Variants in C12orf56 observed in about 807,000 individuals in gnomAD.
C12orf56 encodes chromosome 12 open reading frame 56, also known as uncharacterized protein C12orf56.
Under a neutral mutation model 69.9 loss-of-function variants are expected in C12orf56, and 71 were observed. The ratio of observed to expected loss-of-function variants is 1.02; its 90% CI spans 0.84 to 1.24. C12orf56 has a LOEUF of 1.24. Among genes scored for constraint, C12orf56 ranks in the 50% most tolerant of loss-of-function variants. The pLI is 0.00. For missense variants in C12orf56, 732 were observed against 738.5 expected (o/e 0.99, Z 0.10); for synonymous variants, 276 against 274.1 (o/e 1.01, Z -0.07).
intron 3 of C12orf56, among the ~76,000 whole-genome samples, chr12:64,324,525 A>C (rs1344850379): frequency 6.6e-6 from 1 of 152,206 alleles, no homozygotes. Context: ...AGGGGTAAGA[A>C]GTTCAAAGGT....
intron 8 of C12orf56, among the ~76,000 whole-genome samples, chr12:64,278,914 CAGTT>C (rs2038089736): frequency 6.6e-6 from 1 of 152,266 alleles, no homozygotes; most frequent in East Asian, 1.9e-4. Flanking sequence ...TAATATCCTC[CAGTT>C]TCATCCATGT....
chr12:64,337,487 T>A (rs1056812345), intron 2 of C12orf56, among the ~76,000 whole-genome samples: 5 of 152,160 alleles, frequency 3.3e-5, no homozygotes, highest in African/African-American at 1.2e-4. Flanking sequence ...TTTGGCATAT[T>A]GGTTATTTTA....
chr12:64,390,305 G>T lies in C12orf56; in HGVS notation c.252+9C>A. 6.3e-7 allele frequency: 1 copy of T among 1,597,194 alleles called. No homozygotes were observed. On this transcript the variant is annotated intron_variant, in intron 1 of 12. Transcript: ENST00000543942. ...CTCCCGAGCCCGCCTGCCCACCCGC[G>T]CCGCTCACCAGGTCAATGGCCACGA...
chr12:64,284,379 T>G (rs1372259251), intron 8 of C12orf56, among the ~76,000 whole-genome samples: 1 of 152,246 alleles, frequency 6.6e-6, no homozygotes, highest in Non-Finnish European at 1.5e-5. Flanking sequence ...CGGCTTTTAA[T>G]GTATGATGGG....
intron 11 of C12orf56, among the ~76,000 whole-genome samples, chr12:64,271,960 C>G (rs1267365517): frequency 1.3e-5 from 2 of 152,158 alleles, no homozygotes; most frequent in South Asian, 4.1e-4. Context: ...AATATTGAAG[C>G]TTTCTTTTGC....
At chr12:64,338,929 G>A (rs1407839964) in intron 2 of C12orf56, 1 of 519,484 alleles carries the variant, frequency 1.9e-6, no homozygotes, top group Non-Finnish European at 3.5e-6. Flanking sequence ...TATCAATAGA[G>A]GTGAGGCATG....
intron 3 of C12orf56, among the ~76,000 whole-genome samples, chr12:64,328,718 T>A (rs1592457870): frequency 1.1e-4 from 1 of 8,842 alleles, no homozygotes; most frequent in African/African-American, 3.6e-4. Context: ...TATATATATA[T>A]ATATATATAT....
intron 8 of C12orf56, among the ~76,000 whole-genome samples, chr12:64,284,457 C>T (rs1323299535): frequency 6.6e-6 from 1 of 152,134 alleles, no homozygotes. Flanking sequence ...ATCTTTGTAC[C>T]CTTAATAATC....
intron 12 of C12orf56, among the ~76,000 whole-genome samples, chr12:64,270,084 A>G (rs1456780713): frequency 1.3e-5 from 2 of 152,014 alleles, no homozygotes; most frequent in African/African-American, 4.8e-5. Flanking sequence ...ATTTTCACAG[A>G]TCAAAGTGAA....
chr12:64,380,137 AAAC>A (rs145271432), intron 1 of C12orf56, among the ~76,000 whole-genome samples: 44,900 of 100,004 alleles, frequency 0.45, 12,745 homozygotes, highest in Non-Finnish European at 0.59. Flanking sequence ...AAAAAAAACA[AAAC>A]AAACAAAAAA....
intron 1 of C12orf56, among the ~76,000 whole-genome samples, chr12:64,380,104 C>CAAAAAAAAAAAAAA (rs60079906): frequency 4.6e-4 from 23 of 49,980 alleles, no homozygotes; most frequent in East Asian, 8.3e-4. Context: ...GACTCCGTCG[C>CAAAAAAAAAAAAAA]AAAAAAAAAA....
intron 1 of C12orf56, among the ~76,000 whole-genome samples, chr12:64,369,596 A>G (rs553494037): frequency 2.6e-5 from 4 of 152,356 alleles, no homozygotes; most frequent in African/African-American, 9.6e-5. Flanking sequence ...ATGGGAACAC[A>G]ATGTATAAAA....
intron 6 of C12orf56, among the ~76,000 whole-genome samples, chr12:64,294,160 ACT>A (rs1404028731): frequency 6.6e-6 from 1 of 152,160 alleles, no homozygotes; most frequent in Non-Finnish European, 1.5e-5. Flanking sequence ...TAGGATAGCT[ACT>A]ATTAAAAAAA....
intron 5 of C12orf56, among the ~76,000 whole-genome samples, chr12:64,310,939 A>G (rs866628524): frequency 1.1e-4 from 17 of 151,500 alleles, no homozygotes; most frequent in Admixed American, 9.9e-4. Flanking sequence ...TCATTGTTCA[A>G]TTCCCACCTA....
intron 2 of C12orf56, among the ~76,000 whole-genome samples, chr12:64,337,247 C>T (rs1334087605): frequency 1.3e-5 from 2 of 152,118 alleles, no homozygotes; most frequent in African/African-American, 2.4e-5. Context: ...AAAGCCAATT[C>T]TCTAATTCTC....
At chr12:64,340,971 C>T (rs2039066657) in intron 2 of C12orf56, among the ~76,000 whole-genome samples, 1 of 152,184 alleles carries the variant, frequency 6.6e-6, no homozygotes, top group Non-Finnish European at 1.5e-5. Context: ...AAGAGACACC[C>T]TAATGGATCT....
intron 5 of C12orf56, among the ~76,000 whole-genome samples, chr12:64,308,940 G>GAAAGAAAGAAAGAAAGAAGAAAGA (rs35488127): frequency 2.8e-4 from 23 of 80,840 alleles, no homozygotes; most frequent in East Asian, 7.1e-4. Flanking sequence ...AAGAAAGAAA[G>GAAAGAAAGAAAGAAAGAAGAAAGA]AAGAAAGAAA....
intron 1 of C12orf56, among the ~76,000 whole-genome samples, chr12:64,368,476 A>C (rs548806814): frequency 6.6e-6 from 1 of 152,152 alleles, no homozygotes; most frequent in East Asian, 1.9e-4. Context: ...ACATGAAAGA[A>C]CCTCAGACTA....
At position 64,390,722 on chromosome 12, in the gene C12orf56, G is replaced by A. The variant is rs1369693885; in HGVS notation, c.-157C>T. The A allele has an allele frequency of 1.8e-6, 2 of 1,086,996 alleles. No homozygotes were observed. Among genetic ancestry groups the A allele is most frequent in the Non-Finnish European group, 2.4e-6 (2 of 816,694 alleles). The allele number at this position is 1,086,996 out of a possible 1,614,324, so 67.3% of individuals were successfully genotyped here. A position where few individuals can be genotyped will look rare whatever the true frequency, so the allele number is the denominator to read the frequency against. Reference sequence around the variant, plus strand: ...CCGGGCCGCAACTGCAGGAATCGACGCTAGGTCGGCTTCCCTGGAGCGCCC... The same window carrying A: ...CCGGGCCGCAACTGCAGGAATCGACACTAGGTCGGCTTCCCTGGAGCGCCC... On this transcript the variant is annotated 5_prime_UTR_variant, in exon 1 of 13. Coordinates refer to ENST00000543942, the MANE Select transcript of C12orf56 (RefSeq NM_001170633.2).
Sources: gnomAD v4.1 joint callset for allele counts (sites outside exome capture counted in the v4.1 genomes callset) on GRCh38, gnomAD v4.1.1 for gene constraint, MANE v1.5 for transcripts, NCBI Gene and HGNC (gene_info 2026-07-23, HGNC 2026-07-21) for gene names.